The following CFAP161 variants were observed in gnomAD, a reference collection of about 807,000 sequenced individuals.
CFAP161 encodes the protein cilia- and flagella-associated protein 161.
CFAP161 carries 25 observed loss-of-function variants against 29.0 expected under a neutral mutation model. The observed-to-expected ratio is 0.86, with a 90% CI of 0.63 to 1.20. The LOEUF (loss-of-function observed/expected upper bound fraction) is 1.20, where lower values mean the gene tolerates loss of function less well. CFAP161 is among the 50% of genes most tolerant of loss of function. The pLI is 0.00. For synonymous variants in CFAP161, 116 were observed against 137.4 expected, an observed-to-expected ratio of 0.84 and a Z score of 1.09; for missense variants, 367 against 371.9, an observed-to-expected ratio of 0.99 and a Z score of 0.11.
At chr15:81,130,577 G>A (rs1246874371), upstream of CFAP161, among the ~76,000 whole-genome samples, 3 of 152,226 alleles carry the variant, frequency 2.0e-5, no homozygotes, top group Non-Finnish European at 4.4e-5. Flanking sequence ...GCATGCGCCT[G>A]TAGTCTCAGC....
intron 1 of CFAP161, among the ~76,000 whole-genome samples, chr15:81,121,156 A>T (rs951616922): frequency 2.0e-5 from 3 of 152,210 alleles, no homozygotes; most frequent in Admixed American, 2.0e-4. Flanking sequence ...GATGAAACTT[A>T]CTGCAACCTA....
chr15:81,118,203 A>T, intron 1 of CFAP161: 1 of 483,426 alleles, frequency 2.1e-6, no homozygotes, highest in Admixed American at 3.2e-5. Flanking sequence ...TTTTCAATTT[A>T]GGCAGCTTGG....
chr15:81,105,367 C>A (rs1452055891), intron 1 of CFAP161, among the ~76,000 whole-genome samples: 2 of 65,122 alleles, frequency 3.1e-5, no homozygotes, highest in African/African-American at 9.2e-5. Flanking sequence ...CCTTCTTTTC[C>A]TCCTTCCCTC....
At chr15:81,131,136 T>TAAA (rs34706078), upstream of CFAP161, among the ~76,000 whole-genome samples, 1 of 130,916 alleles carries the variant, frequency 7.6e-6, no homozygotes, top group East Asian at 2.3e-4. Flanking sequence ...CTTCAATTTG[T>TAAA]AAAAAAAAAA....
intron 1 of CFAP161, among the ~76,000 whole-genome samples, chr15:81,123,739 G>T (rs1402322313): frequency 6.6e-6 from 1 of 152,068 alleles, no homozygotes; most frequent in Admixed American, 6.6e-5. Context: ...AGTTCTCCTT[G>T]TTGAGATCCT....
chr15:81,116,873 A>G (rs199816838), intron 1 of CFAP161, among the ~76,000 whole-genome samples: 1 of 152,252 alleles, frequency 6.6e-6, no homozygotes, highest in Admixed American at 6.5e-5. Flanking sequence ...TCTAGTCTAC[A>G]GGTAGATAAT....
intron 1 of CFAP161, among the ~76,000 whole-genome samples, chr15:81,111,845 C>T (rs1167170726): frequency 1.3e-5 from 2 of 152,076 alleles, no homozygotes; most frequent in African/African-American, 2.4e-5. Context: ...AGTCATTGTT[C>T]CTTAAATAGC....
intron 1 of CFAP161, among the ~76,000 whole-genome samples, chr15:81,121,298 T>C (rs1344507173): frequency 1.3e-5 from 2 of 152,170 alleles, no homozygotes; most frequent in Non-Finnish European, 1.5e-5. Context: ...TATTCTCTTT[T>C]CTTTTTCATG....
chr15:81,141,679 A>G (rs1479899107), intron 4 of CFAP161, among the ~76,000 whole-genome samples: 1 of 150,616 alleles, frequency 6.6e-6, no homozygotes, highest in Non-Finnish European at 1.5e-5. Context: ...TGAGACAGAT[A>G]GTATTTGCCT....
chr15:81,143,814 C>T lies in CFAP161; in HGVS notation c.630C>T (p.Pro210=), dbSNP rs749843886. The T allele has an allele frequency of 3.0e-5, 49 of 1,613,790 alleles. No homozygotes were observed. Among genetic ancestry groups the T allele is most frequent in the Admixed American group, 8.3e-5 (5 of 59,994 alleles). The part of the protein sequence containing the change: ...PQLRLEYEGF[P]VPANAKILIN... ...TACGCCTGGAATATGAAGGCTTCCC[C>T]GTCCCGGTGAGTGCAGCATCGGGAA... The change falls in exon 5 of 7, where the codon CCC becomes CCT. Residue 210 remains proline (P), a synonymous_variant. Coordinates refer to ENST00000286732, the MANE Select transcript of CFAP161 (RefSeq NM_173528.4).
intron 5 of CFAP161, among the ~76,000 whole-genome samples, chr15:81,147,563 T>TA (rs2141887863): frequency 6.6e-6 from 1 of 152,258 alleles, no homozygotes; most frequent in South Asian, 2.1e-4. Flanking sequence ...TACAAACCTG[T>TA]AAGGATGTTA....
chr15:81,147,125 C>T (rs186013064), intron 5 of CFAP161, among the ~76,000 whole-genome samples: 9 of 151,838 alleles, frequency 5.9e-5, no homozygotes, highest in Admixed American at 4.6e-4. Flanking sequence ...GCAGATTCAC[C>T]GAGCACAAGA....
At chr15:81,125,901 G>A (rs113692332) in intron 1 of CFAP161, among the ~76,000 whole-genome samples, 2,361 of 151,928 alleles carry the variant, frequency 0.016, 43 homozygotes, top group Non-Finnish European at 0.025. Context: ...ATGGAGTCTC[G>A]CTCTGTTGCC....
intron 4 of CFAP161, 93 bp downstream of exon 4, chr15:81,138,228 C>A: frequency 9.7e-7 from 1 of 1,033,084 alleles, no homozygotes; most frequent in Non-Finnish European, 1.5e-6. Flanking sequence ...CAGAGAACTC[C>A]AGAGTCATGG....
rs780944441 is a variant in CFAP161, at chr15:81,148,384, G to A, written c.757G>A (p.Asp253Asn). 10 of 1,614,058 alleles carry A rather than the reference G, an allele frequency of 6.2e-6. No individual in the cohort carries two copies. The highest frequency in any genetic ancestry group is 1.6e-4 in the Middle Eastern group (1 of 6,082). The change falls in exon 7 of 7, where the codon GAT (aspartate) becomes AAT (asparagine). Residue 253 changes from aspartate (D) to asparagine (N), a missense_variant. Coordinates refer to ENST00000286732, the MANE Select transcript of CFAP161 (RefSeq NM_173528.4). ...TGAGGTTGTAGCTCACACATACCTGGATTCACATAGAGTTGAGAAACCAAG... is the reference window on the plus strand; with the variant it reads ...TGAGGTTGTAGCTCACACATACCTGAATTCACATAGAGTTGAGAAACCAAG... ...EAEVVAHTYL[D>N]SHRVEKPRNH...
In CFAP161 at chr15:81,129,144, C is replaced by CT. The variant is rs113581281; in HGVS notation, c.-7+1431dup. 1.9e-3 allele frequency among the ~76,000 whole-genome samples: 283 copies of CT among 148,366 alleles called. 2 individuals are homozygous for CT. In the South Asian group the frequency reaches 0.027, roughly 14 times the overall value. ...TAAACAGTAATATTTTGAAAGAAAT[C>CT]TTTTTTTTTTTCTAAGCAGTAGATC... On this transcript the variant is annotated intron_variant, in intron 2 of 4. Transcript: ENST00000560091.
chr15:81,106,294 G>T (rs1894371563), intron 1 of CFAP161, among the ~76,000 whole-genome samples: 1 of 152,232 alleles, frequency 6.6e-6, no homozygotes, highest in Non-Finnish European at 1.5e-5. Flanking sequence ...AGGATTATTT[G>T]CAGGAGTGAA....
intron 1 of CFAP161, among the ~76,000 whole-genome samples, chr15:81,126,667 ATATT>A (rs770564432): frequency 2.0e-5 from 3 of 152,164 alleles, no homozygotes; most frequent in Non-Finnish European, 4.4e-5. Flanking sequence ...ATTTTTATAA[ATATT>A]TATCTATTTC....
chr15:81,134,037 A>T (rs2072719615), upstream of CFAP161, among the ~76,000 whole-genome samples: 4 of 152,168 alleles, frequency 2.6e-5, no homozygotes, highest in Admixed American at 2.6e-4. Flanking sequence ...TTCTAATAGA[A>T]AGAAAGCTTT....
Sources: allele counts gnomAD v4.1 joint callset (sites outside exome capture counted in the v4.1 genomes callset), GRCh38; gene constraint gnomAD v4.1.1; transcripts MANE v1.5; gene names NCBI Gene and HGNC (gene_info 2026-07-23, HGNC 2026-07-21).